The following ZNF624 variants were observed in gnomAD, a reference collection of about 807,000 sequenced individuals.
ZNF624 encodes zinc finger protein 624.
In ZNF624, 43 loss-of-function variants were observed where a neutral mutation model predicts 74.7. That is an observed-to-expected ratio of 0.58 (90% CI 0.45 to 0.74). The LOEUF is 0.74. ZNF624 is among the 30% of genes least tolerant of loss of function. The pLI, the probability that ZNF624 is intolerant of heterozygous loss-of-function variation, is 0.00. For synonymous variants in ZNF624, 331 were observed against 341.3 expected (o/e 0.97, Z 0.33); for missense variants, 820 against 1,030.0 (o/e 0.80, Z 2.79).
intron 4 of ZNF624, among the ~76,000 whole-genome samples, chr17:16,634,241 G>C (rs1203729289): frequency 6.6e-6 from 1 of 152,208 alleles, no homozygotes; most frequent in Non-Finnish European, 1.5e-5. Context: ...TGATGTTTTA[G>C]ACAATTACAA....
intron 3 of ZNF624, among the ~76,000 whole-genome samples, chr17:16,641,325 C>T (rs1909462280): frequency 6.6e-6 from 1 of 152,092 alleles, no homozygotes; most frequent in South Asian, 2.1e-4. Flanking sequence ...GCTCATCGCC[C>T]AGGCTGGAGT....
chr17:16,625,059 T>C (rs749878439), intron 5 of ZNF624, among the ~76,000 whole-genome samples: 22 of 149,830 alleles, frequency 1.5e-4, no homozygotes, highest in Non-Finnish European at 8.9e-5. Context: ...AGCCCATTCA[T>C]AGTTTAGAGC....
In ZNF624 at chr17:16,646,338, T is replaced by G. The variant is rs146402996; in HGVS notation, c.153+991A>C. On this transcript the variant is annotated intron_variant, in intron 3 of 5. Coordinates refer to ENST00000311331, the MANE Select transcript of ZNF624 (RefSeq NM_020787.4). ...TTAAAAAATCATTTCAAAAATACTA[T>G]GTATAAAACTGAATCTCAGAATGTA... 6.0e-3 allele frequency among the ~76,000 whole-genome samples: 910 copies of G among 152,292 alleles called. 10 individuals are homozygous for G. Among genetic ancestry groups the G allele is most frequent in the African/African-American group, 0.021 (865 of 41,558 alleles).
chr17:16,625,878 T>C (rs551849802), intron 5 of ZNF624, among the ~76,000 whole-genome samples: 34 of 152,250 alleles, frequency 2.2e-4, no homozygotes, highest in African/African-American at 7.9e-4. Context: ...CATTTTCAGG[T>C]AATTATGCCT....
Position 16,623,685 on chromosome 17 carries a change from A to T in ZNF624, c.1201T>A (p.Ser401Thr). ...SECGKAFSDK[S>T]KLARHQETHN... ...GTTTCCTGATGTCTTGCAAGTTTTG[A>T]TTTATCACTAAAAGCTTTCCCGCAT... Residue 401 changes from serine (S) to threonine (T), a missense_variant, in exon 6 of 6, where the codon TCA becomes ACA. Transcript: ENST00000311331. The surrounding 1 kb of genome is among the most constrained non-coding windows in gnomAD (Gnocchi z 5.3). 1 of 1,609,380 alleles carries T rather than the reference A, an allele frequency of 6.2e-7. No individual in the cohort carries two copies. The highest frequency in any genetic ancestry group is 1.7e-5 in the Admixed American group (1 of 58,844).
At position 16,622,428 on chromosome 17, in the gene ZNF624, T is replaced by C. The variant is rs1265515218; in HGVS notation, c.2458A>G (p.Asn820Asp). ...CTCAAGTGTACAGTAAAGTCTGAGT[T>C]AGTTCTGAAGGCTTTTCCACATTCT... ...CEECGKAFRT[N>D]SDFTVHLRMH... The change falls in exon 6 of 6, where the codon AAC (asparagine) becomes GAC (aspartate). Residue 820 changes from asparagine (N) to aspartate (D), a missense_variant. Physicochemically the swap from Asn to Asp is conservative, Grantham distance 23. Coordinates refer to ENST00000311331, the MANE Select transcript of ZNF624 (RefSeq NM_020787.4). The C allele has an allele frequency of 1.2e-6, 2 of 1,613,948 alleles. No homozygotes were observed. Among genetic ancestry groups the C allele is most frequent in the Admixed American group, 1.7e-5 (1 of 59,998 alleles).
In ZNF624 at chr17:16,632,763, C is replaced by A. The variant is rs144602855; in HGVS notation, c.376+1099G>T. On this transcript the variant is annotated intron_variant, in intron 5 of 5. Coordinates refer to ENST00000311331, the MANE Select transcript of ZNF624 (RefSeq NM_020787.4). ...ATGCCTCAAGTTCAATCTCTATAAA[C>A]AGGGTTATTTTCTAAAAACCCTGCA... Among the ~76,000 whole-genome samples the A allele has an allele frequency of 1.2e-4, 18 of 152,304 alleles. 1 individual carries two copies. The East Asian group carries it at 3.5e-3, about 29-fold the overall frequency.
chr17:16,639,768 T>C (rs140639405), intron 3 of ZNF624, among the ~76,000 whole-genome samples: 1 of 152,186 alleles, frequency 6.6e-6, no homozygotes, highest in African/African-American at 2.4e-5. Context: ...TCCAGGAAAG[T>C]TTCTAAACAA....
At chr17:16,647,521 T>C in intron 2 of ZNF624, 127 bp from the exon 3 acceptor site, 1 of 719,438 alleles carries the variant, frequency 1.4e-6, no homozygotes. Context: ...CTGTTTTACT[T>C]AGGGCTGAAA....
At chr17:16,618,014 CA>C (rs1186652232), downstream of ZNF624, 4 of 609,314 alleles carry the variant, frequency 6.6e-6, no homozygotes, top group Non-Finnish European at 1.2e-5. Context: ...AGTCCAGCCA[CA>C]CAATGGTTAG....
In ZNF624 at chr17:16,623,591, C is replaced by T; in HGVS notation, c.1295G>A (p.Ser432Asn). ...TTCAGTGTGGGTCTTCTGATGTACA[C>T]TAAGATATGACTTGTTCCTAAAGGC... ...GKAFRNKSYL[S>N]VHQKTHTEEK... The change falls in exon 6 of 6, where the codon AGT becomes AAT. Residue 432 changes from serine (S) to asparagine (N), a missense_variant. Coordinates refer to ENST00000311331, the MANE Select transcript of ZNF624 (RefSeq NM_020787.4). The surrounding 1 kb of genome is among the most constrained non-coding windows in gnomAD (Gnocchi z 5.3). The T allele has an allele frequency of 1.9e-6, 3 of 1,611,930 alleles. No individual in the cohort carries two copies. Among genetic ancestry groups the T allele is most frequent in the Non-Finnish European group, 1.7e-6 (2 of 1,179,288 alleles).
chr17:16,622,171 T>C lies in ZNF624; in HGVS notation c.*117A>G, dbSNP rs1908930946. 2 of 706,226 alleles carry C rather than the reference T, an allele frequency of 2.8e-6. No homozygotes were observed. The highest frequency in any genetic ancestry group is 3.7e-5 in the South Asian group (1 of 27,088). The allele number at this position is 706,226 out of a possible 1,614,324, so 43.7% of individuals were successfully genotyped here. Reference sequence around the variant, plus strand: ...AAATGATTTCCCACATAATTGCTTATAGTTTCTCTGTATACTTTCTGATAA... The same window carrying C: ...AAATGATTTCCCACATAATTGCTTACAGTTTCTCTGTATACTTTCTGATAA... On this transcript the variant is annotated 3_prime_UTR_variant, in exon 6 of 6. Coordinates refer to ENST00000311331, the MANE Select transcript of ZNF624 (RefSeq NM_020787.4).
In ZNF624 at chr17:16,634,106, T is replaced by C. The variant is rs1909271437; in HGVS notation, c.281-149A>G. On this transcript the variant is annotated intron_variant, in intron 4 of 5. Transcript: ENST00000311331. The stretch of plus-strand genomic sequence containing the variant: ...TCTGATACAGTTGCCAATTGTCACA[T>C]ATGGCTATTTAAATTTGAATTTAAA... 6 of 539,408 alleles carry C rather than the reference T, an allele frequency of 1.1e-5. No homozygotes were observed. The South Asian group carries it at 2.0e-4, about 18-fold the overall frequency. The allele number at this position is 539,408 out of a possible 1,614,324, so 33.4% of individuals were successfully genotyped here. A position where few individuals can be genotyped will look rare whatever the true frequency, so the allele number is the denominator to read the frequency against.
Position 16,622,563 on chromosome 17 carries a change from T to A in ZNF624, c.2323A>T (p.Thr775Ser). The A allele has an allele frequency of 1.9e-6, 3 of 1,613,950 alleles. No individual in the cohort carries two copies. Among genetic ancestry groups the A allele is most frequent in the Non-Finnish European group, 2.5e-6 (3 of 1,179,926 alleles). The stretch of plus-strand genomic sequence containing the variant: ...TTACAGGTGTAGGGTTTTTCTCCAG[T>A]GTGTGTTCTCCAATGCACTGTAAGG... ...SYLTVHWRTHTGEKPYTCKEC... is the reference protein window; with the variant it reads ...SYLTVHWRTHSGEKPYTCKEC... Residue 775 changes from threonine to serine, a missense_variant, in exon 6 of 6, where the codon ACT becomes TCT. Physicochemically the swap from Thr to Ser is moderately conservative, Grantham distance 58 (BLOSUM62 1). Transcript: ENST00000311331.
At chr17:16,645,981 A>C (rs907981489) in intron 3 of ZNF624, among the ~76,000 whole-genome samples, 15 of 150,998 alleles carry the variant, frequency 9.9e-5, no homozygotes, top group Non-Finnish European at 1.5e-4. Context: ...TGTCAGCAAT[A>C]GTTATAAGAA....
At chr17:16,648,903 C>T (rs1446529961) in intron 2 of ZNF624, among the ~76,000 whole-genome samples, 1 of 152,140 alleles carries the variant, frequency 6.6e-6, no homozygotes, top group Non-Finnish European at 1.5e-5. Context: ...GCCCTTAAAC[C>T]CGTTTCTCAC....
intron 3 of ZNF624, among the ~76,000 whole-genome samples, chr17:16,642,468 C>T (rs976972572): frequency 1.2e-4 from 18 of 152,012 alleles, no homozygotes; most frequent in African/African-American, 3.6e-4. Context: ...TATTCACATG[C>T]CAAAGAATGA....
rs745618207 is a variant in ZNF624, at chr17:16,622,303, T to C, written c.2583A>G (p.Glu861=). 5.1e-6 allele frequency: 8 copies of C among 1,562,134 alleles called. No homozygotes were observed. Among genetic ancestry groups the C allele is most frequent in the Non-Finnish European group, 6.9e-6 (8 of 1,158,836 alleles). ...LTVHQRIHQR[E]TQLI ...TTATTGTTCTTTATATTAACTGAGT[T>C]TCTCTTTGATGTATTCTTTGATGTA... The change falls in exon 6 of 6, where the codon GAA becomes GAG. Residue 861 remains glutamate (E), a synonymous_variant. Transcript: ENST00000311331.
intron 3 of ZNF624, 91 bp from the exon 4 acceptor site, chr17:16,634,847 A>C: frequency 8.3e-7 from 1 of 1,204,916 alleles, no homozygotes; most frequent in Non-Finnish European, 1.2e-6. Context: ...GAGCCCCAGA[A>C]ACCAGAATCA....
Sources: allele counts gnomAD v4.1 joint callset (sites outside exome capture counted in the v4.1 genomes callset), GRCh38; gene constraint gnomAD v4.1.1; non-coding constraint Gnocchi (gnomAD v3.1); transcripts MANE v1.5; gene names NCBI Gene and HGNC (gene_info 2026-07-23, HGNC 2026-07-21).